Variants in DLG2 observed in about 807,000 individuals in gnomAD.
The protein encoded by DLG2 is discs large MAGUK scaffold protein 2, also known as disks large homolog 2.
Under a neutral mutation model 132.5 loss-of-function variants are expected in DLG2, and 45 were observed. That is an observed-to-expected ratio of 0.34 (90% CI 0.27 to 0.44). The LOEUF (loss-of-function observed/expected upper bound fraction) is 0.44. DLG2 is among the 20% of genes least tolerant of loss of function. The pLI is 1.00. For missense variants in DLG2, 1,045 were observed against 1,196.9 expected (o/e 0.87, Z 1.87); for synonymous variants, 424 against 419.6 (o/e 1.01, Z -0.13).
chr11:84,951,773 C>A lies in DLG2; in HGVS notation c.357+159888G>T, dbSNP rs1239076508. On this transcript the variant is annotated intron_variant, in intron 6 of 27. Transcript: ENST00000376104. ...TAGTTTGCATATCCAGGGCCACATACAAGATATGCAAAAATATATGTGGTT... is the reference window on the plus strand; with the variant it reads ...TAGTTTGCATATCCAGGGCCACATAAAAGATATGCAAAAATATATGTGGTT... Among the ~76,000 whole-genome samples the A allele has an allele frequency of 2.6e-5, 4 of 151,480 alleles. No individual in the cohort carries two copies. The South Asian group carries it at 8.3e-4, about 32-fold the overall frequency.
intron 18 of DLG2, among the ~76,000 whole-genome samples, chr11:83,753,189 G>A (rs1371337806): frequency 1.3e-5 from 2 of 152,186 alleles, no homozygotes; most frequent in African/African-American, 4.8e-5. Context: ...TTGGGAGGCT[G>A]AGGCGGGTGG....
At chr11:83,768,222 T>C (rs1450041292) in intron 18 of DLG2, among the ~76,000 whole-genome samples, 1 of 152,206 alleles carries the variant, frequency 6.6e-6, no homozygotes, top group Non-Finnish European at 1.5e-5. Flanking sequence ...ATCTTTTATA[T>C]ACATTTGACT....
chr11:84,680,777 CTG>C (rs1428785256), intron 6 of DLG2, among the ~76,000 whole-genome samples: 1 of 152,164 alleles, frequency 6.6e-6, no homozygotes, highest in African/African-American at 2.4e-5. Flanking sequence ...AATGTTAACA[CTG>C]TCTTTGCATG....
At chr11:83,718,862 T>G (rs781067224) in intron 18 of DLG2, among the ~76,000 whole-genome samples, 10 of 152,194 alleles carry the variant, frequency 6.6e-5, no homozygotes, top group Non-Finnish European at 1.3e-4. Flanking sequence ...TTGCATCTCC[T>G]AGCCCAATCC....
intron 3 of DLG2, among the ~76,000 whole-genome samples, chr11:85,439,787 C>T (rs2091685334): frequency 6.6e-6 from 1 of 152,112 alleles, no homozygotes; most frequent in African/African-American, 2.4e-5. Context: ...GCTAAGAAGA[C>T]ACATTGCATA....
chr11:84,578,870 C>T (rs912163165), intron 6 of DLG2, among the ~76,000 whole-genome samples: 1 of 152,096 alleles, frequency 6.6e-6, no homozygotes, highest in Admixed American at 6.5e-5. Flanking sequence ...TTTTATCTCC[C>T]AGAATTCCCA....
chr11:83,601,708 T>C (rs926269934), intron 19 of DLG2, among the ~76,000 whole-genome samples: 2 of 151,696 alleles, frequency 1.3e-5, no homozygotes, highest in Non-Finnish European at 2.9e-5. Flanking sequence ...CTTTTTTTTT[T>C]TGGTAGAGAT....
At chr11:84,287,530 C>A (rs191865204) in intron 7 of DLG2, among the ~76,000 whole-genome samples, 6 of 152,188 alleles carry the variant, frequency 3.9e-5, no homozygotes, top group Non-Finnish European at 8.8e-5. Flanking sequence ...GACTTCAGAG[C>A]AAAGCTCCCT....
At chr11:84,056,196 T>G (rs72949876) in intron 11 of DLG2, among the ~76,000 whole-genome samples, 2,552 of 152,094 alleles carry the variant, frequency 0.017, 26 homozygotes, top group Non-Finnish European at 0.025. Context: ...TGTGCATTAG[T>G]TATTTGTCCT....
chr11:84,042,738 A>G (rs1428204488), intron 11 of DLG2, among the ~76,000 whole-genome samples: 1 of 151,896 alleles, frequency 6.6e-6, no homozygotes, highest in Non-Finnish European at 1.5e-5. Flanking sequence ...TTAGAGGGGC[A>G]TGGATGGAAT....
chr11:84,995,482 T>C (rs1327475978), intron 6 of DLG2, among the ~76,000 whole-genome samples: 2 of 152,198 alleles, frequency 1.3e-5, no homozygotes, highest in Non-Finnish European at 2.9e-5. Flanking sequence ...TTTGTCTCTC[T>C]CCACAGGATT....
intron 6 of DLG2, among the ~76,000 whole-genome samples, chr11:84,753,047 G>A (rs2066383392): frequency 1.3e-5 from 2 of 152,044 alleles, no homozygotes; most frequent in South Asian, 2.1e-4. Flanking sequence ...ACAGAGACCT[G>A]GAAAGGAAGA....
At chr11:84,377,365 A>G (rs558957131) in intron 7 of DLG2, among the ~76,000 whole-genome samples, 6 of 152,066 alleles carry the variant, frequency 3.9e-5, no homozygotes, top group Non-Finnish European at 7.4e-5. Flanking sequence ...CATGAAAGGC[A>G]AAATGTTGAC....
chr11:85,150,194 G>A (rs2077143093), intron 5 of DLG2, among the ~76,000 whole-genome samples: 4 of 151,426 alleles, frequency 2.6e-5, no homozygotes, highest in African/African-American at 7.3e-5. Context: ...TAATTTTTTT[G>A]TATTTTTAGT....
At chr11:84,473,214 G>T (rs2099113043) in intron 7 of DLG2, among the ~76,000 whole-genome samples, 1 of 151,994 alleles carries the variant, frequency 6.6e-6, no homozygotes, top group African/African-American at 2.4e-5. Context: ...TCAATGAAGG[G>T]GGGGTTTCTC....
At chr11:85,422,820 C>T (rs2090425988) in intron 3 of DLG2, among the ~76,000 whole-genome samples, 1 of 152,086 alleles carries the variant, frequency 6.6e-6, no homozygotes, top group African/African-American at 2.4e-5. Flanking sequence ...CTATCTATTT[C>T]TTTGAATATT....
At chr11:85,039,639 A>C (rs1337748981) in intron 6 of DLG2, among the ~76,000 whole-genome samples, 5 of 151,902 alleles carry the variant, frequency 3.3e-5, no homozygotes, top group African/African-American at 1.2e-4. Flanking sequence ...GTTAACCATG[A>C]TGTTGGGGAC....
rs185586176 is a variant in DLG2, at chr11:84,743,065, T to A, written c.358-208334A>T. Reference sequence around the variant, plus strand: ...ACAAGATTTATTCACTTTTTAAACGTTTTACTTTGAAATAATTATAAATTC... The same window carrying A: ...ACAAGATTTATTCACTTTTTAAACGATTTACTTTGAAATAATTATAAATTC... On this transcript the variant is annotated intron_variant, in intron 6 of 27. Coordinates refer to ENST00000376104, the MANE Select transcript of DLG2 (RefSeq NM_001142699.3). 1.5e-3 allele frequency among the ~76,000 whole-genome samples: 228 copies of A among 152,292 alleles called. 2 individuals are homozygous for A. The highest frequency in any genetic ancestry group is 5.3e-3 in the African/African-American group (220 of 41,562).
intron 18 of DLG2, among the ~76,000 whole-genome samples, chr11:83,724,646 T>C (rs899897208): frequency 1.3e-5 from 2 of 152,124 alleles, no homozygotes; most frequent in Non-Finnish European, 2.9e-5. Context: ...CTGATTGTTG[T>C]TCTCACAGAA....
Sources: allele counts gnomAD v4.1 joint callset (sites outside exome capture counted in the v4.1 genomes callset), GRCh38; gene constraint gnomAD v4.1.1; transcripts MANE v1.5; gene names NCBI Gene and HGNC (gene_info 2026-07-23, HGNC 2026-07-21).